Variants in NTNG1 observed in about 807,000 individuals in gnomAD.
NTNG1 encodes netrin-G1.
A neutral mutation model predicts 54.0 loss-of-function variants in NTNG1; 16 were observed. That is an observed-to-expected ratio of 0.30 (90% CI 0.20 to 0.45). The LOEUF (loss-of-function observed/expected upper bound fraction) is 0.45. NTNG1 is among the 20% of genes least tolerant of loss of function. NTNG1 has a pLI of 1.00. For missense variants in NTNG1, 530 were observed against 678.7 expected, an observed-to-expected ratio of 0.78 and a Z score of 2.43; for synonymous variants, 255 against 263.1, an observed-to-expected ratio of 0.97 and a Z score of 0.30.
intron 1 of NTNG1, among the ~76,000 whole-genome samples, chr1:107,141,706 G>A (rs113605224): frequency 1.3e-5 from 2 of 152,174 alleles, no homozygotes; most frequent in African/African-American, 4.8e-5. Flanking sequence ...GTGCGCCCCG[G>A]GCCGGTGATG....
At chr1:107,235,165 C>T (rs1455455797) in intron 2 of NTNG1, among the ~76,000 whole-genome samples, 1 of 152,118 alleles carries the variant, frequency 6.6e-6, no homozygotes, top group East Asian at 1.9e-4. Flanking sequence ...TGTCTGATTT[C>T]AAAGGGCATG....
Position 107,324,713 on chromosome 1 carries a change from A to T in NTNG1, c.678A>T (p.Lys226Asn), listed in dbSNP as rs1228898622. The T allele has an allele frequency of 6.2e-7, 1 of 1,613,636 alleles. No individual in the cohort carries two copies. The highest frequency in any genetic ancestry group is 8.5e-7 in the Non-Finnish European group (1 of 1,179,786). ...GCAAAATAATCCACTTTGAAATCAAAGACAGGTTCGCGTTTTTTGCTGGAC... is the reference window on the plus strand; with the variant it reads ...GCAAAATAATCCACTTTGAAATCAATGACAGGTTCGCGTTTTTTGCTGGAC... ...TNSKIIHFEIKDRFAFFAGPR... is the reference protein window; with the variant it reads ...TNSKIIHFEINDRFAFFAGPR... Residue 226 changes from lysine to asparagine, a missense_variant, in exon 3 of 8, where the codon AAA becomes AAT. This residue lies in a region of NTNG1 where 318 missense variants were observed against 465.1 expected (regional missense o/e 0.68). Transcript: ENST00000370068.
In NTNG1 at chr1:107,214,547, A is replaced by G. The variant is rs548048883; in HGVS notation, c.246+65708A>G. Among the ~76,000 whole-genome samples the G allele has an allele frequency of 2.0e-5, 3 of 152,274 alleles. No homozygotes were observed. In the East Asian group the frequency reaches 5.8e-4, roughly 29 times the overall value. On this transcript the variant is annotated intron_variant, in intron 2 of 7. Transcript: ENST00000370068. Reference sequence around the variant, plus strand: ...TGATGGGCATTTGGGCTGGTTGCATATTTTTGCAGATGCAAATTATGCCGC... The same window carrying G: ...TGATGGGCATTTGGGCTGGTTGCATGTTTTTGCAGATGCAAATTATGCCGC...
chr1:107,457,952 G>T (rs1043351239), intron 7 of NTNG1, among the ~76,000 whole-genome samples: 1 of 152,052 alleles, frequency 6.6e-6, no homozygotes, highest in Non-Finnish European at 1.5e-5. Context: ...GAATGAGCCC[G>T]TCCTCAGCAT....
intron 3 of NTNG1, among the ~76,000 whole-genome samples, chr1:107,366,571 CT>C (rs1233754427): frequency 1.3e-5 from 2 of 152,184 alleles, no homozygotes; most frequent in Non-Finnish European, 2.9e-5. Flanking sequence ...AAAACTATTT[CT>C]GTAAAGCTCT....
intron 3 of NTNG1, among the ~76,000 whole-genome samples, chr1:107,360,373 T>A (rs1353677593): frequency 6.6e-6 from 1 of 151,846 alleles, no homozygotes; most frequent in East Asian, 1.9e-4. Flanking sequence ...CACGGAAATA[T>A]CTGTGGAAGA....
At chr1:107,186,638 A>G (rs1657482126) in intron 2 of NTNG1, among the ~76,000 whole-genome samples, 1 of 152,142 alleles carries the variant, frequency 6.6e-6, no homozygotes, top group African/African-American at 2.4e-5. Flanking sequence ...CAAGCCTTCA[A>G]ATTGTTCCTG....
chr1:107,208,902 G>A (rs904312894), intron 2 of NTNG1, among the ~76,000 whole-genome samples: 3 of 151,868 alleles, frequency 2.0e-5, no homozygotes, highest in African/African-American at 7.3e-5. Context: ...TCAAAGCCCT[G>A]ACCACATGCC....
intron 7 of NTNG1, among the ~76,000 whole-genome samples, chr1:107,442,868 A>G (rs1040808141): frequency 2.0e-5 from 3 of 152,240 alleles, no homozygotes; most frequent in African/African-American, 7.2e-5. Flanking sequence ...TAACAAGTAG[A>G]CATGGTTCAG....
At chr1:107,340,672 A>G (rs1467003105) in intron 3 of NTNG1, among the ~76,000 whole-genome samples, 1 of 152,086 alleles carries the variant, frequency 6.6e-6, no homozygotes, top group African/African-American at 2.4e-5. Flanking sequence ...GTAAGTTTTT[A>G]ATACAAACTA....
intron 4 of NTNG1, among the ~76,000 whole-genome samples, chr1:107,396,761 T>C (rs1002413883): frequency 3.9e-5 from 6 of 152,180 alleles, no homozygotes; most frequent in Non-Finnish European, 7.3e-5. Context: ...TCCTCTTTAA[T>C]GTCTGCTCCT....
At chr1:107,188,300 G>A (rs927051989) in intron 2 of NTNG1, among the ~76,000 whole-genome samples, 2 of 152,134 alleles carry the variant, frequency 1.3e-5, no homozygotes, top group Admixed American at 1.3e-4. Flanking sequence ...AGTAAGACAA[G>A]GGGTGATGCT....
intron 3 of NTNG1, among the ~76,000 whole-genome samples, chr1:107,339,972 G>T (rs1304063236): frequency 6.6e-6 from 1 of 152,044 alleles, no homozygotes; most frequent in Non-Finnish European, 1.5e-5. Context: ...GCAATGATAA[G>T]GATGTGCATA....
intron 2 of NTNG1, among the ~76,000 whole-genome samples, chr1:107,228,015 T>A (rs1660803173): frequency 6.6e-6 from 1 of 152,222 alleles, no homozygotes; most frequent in Non-Finnish European, 1.5e-5. Context: ...TTTGTATGAC[T>A]TCTAGATAAT....
At chr1:107,188,071 G>A (rs565053858) in intron 2 of NTNG1, among the ~76,000 whole-genome samples, 25 of 139,846 alleles carry the variant, frequency 1.8e-4, no homozygotes, top group African/African-American at 6.2e-4. Context: ...ATTTTTTTTT[G>A]ACAACTATGT....
chr1:107,393,335 C>A (rs1002930552), intron 3 of NTNG1, among the ~76,000 whole-genome samples: 1 of 152,120 alleles, frequency 6.6e-6, no homozygotes, highest in Non-Finnish European at 1.5e-5. Flanking sequence ...TATAGAAACA[C>A]ACCCATAAAT....
intron 2 of NTNG1, among the ~76,000 whole-genome samples, chr1:107,179,006 A>G (rs569637529): frequency 6.6e-6 from 1 of 152,302 alleles, no homozygotes; most frequent in Non-Finnish European, 1.5e-5. Flanking sequence ...AATATGTCCA[A>G]GCTTGACATT....
At chr1:107,178,183 C>T (rs1656787903) in intron 2 of NTNG1, among the ~76,000 whole-genome samples, 1 of 152,126 alleles carries the variant, frequency 6.6e-6, no homozygotes, top group South Asian at 2.1e-4. Context: ...AGACATTTTT[C>T]AATATTACAT....
At chr1:107,337,043 A>G (rs1294747583) in intron 3 of NTNG1, among the ~76,000 whole-genome samples, 3 of 151,974 alleles carry the variant, frequency 2.0e-5, no homozygotes, top group Non-Finnish European at 4.4e-5. Flanking sequence ...CACTGTGGAA[A>G]ACAGTGTGGC....
Sources: allele counts gnomAD v4.1 joint callset (sites outside exome capture counted in the v4.1 genomes callset), GRCh38; gene constraint gnomAD v4.1.1; regional missense constraint gnomAD v4.1.1; transcripts MANE v1.5; gene names NCBI Gene and HGNC (gene_info 2026-07-23, HGNC 2026-07-21).